CYB5A: variants seen among roughly 807,000 people sequenced by gnomAD.
CYB5A encodes cytochrome b5.
CYB5A carries 10 observed loss-of-function variants against 16.2 expected under a neutral mutation model. That is an observed-to-expected ratio of 0.62 (90% CI 0.38 to 1.04). The LOEUF is 1.04. CYB5A is among the 50% of genes least tolerant of loss of function. The probability of loss-of-function intolerance (pLI) is 0.01; values close to 1 mark genes in which losing one functional copy is unlikely to be tolerated. For synonymous variants in CYB5A, 62 were observed against 57.0 expected, an observed-to-expected ratio of 1.09 and a Z score of -0.40; for missense variants, 161 against 165.9, an observed-to-expected ratio of 0.97 and a Z score of 0.16.
At chr18:74,255,903 G>A in intron 3 of CYB5A, 128 bp from the exon 4 acceptor site, 2 of 722,372 alleles carry the variant, frequency 2.8e-6, no homozygotes, top group Non-Finnish European at 2.4e-6. Flanking sequence ...ATGTCGAAAG[G>A]GAAAATTATA....
intron 1 of CYB5A, among the ~76,000 whole-genome samples, chr18:74,272,302 C>T (rs995053565): frequency 6.6e-6 from 1 of 152,160 alleles, no homozygotes; most frequent in Non-Finnish European, 1.5e-5. Flanking sequence ...GGTCCTGCTC[C>T]AGCCAATGGA....
chr18:74,257,012 A>G (rs992335599), intron 3 of CYB5A: 1 of 610,884 alleles, frequency 1.6e-6, no homozygotes, highest in Non-Finnish European at 2.9e-6. Flanking sequence ...ATTAACAAAA[A>G]TTACTAGAAA....
intron 1 of CYB5A, among the ~76,000 whole-genome samples, chr18:74,267,722 G>A (rs538271114): frequency 6.6e-6 from 1 of 152,330 alleles, no homozygotes; most frequent in Admixed American, 6.5e-5. Flanking sequence ...TTACACATAG[G>A]TAAGATTAGA....
At chr18:74,283,311 T>C (rs6566792) in intron 1 of CYB5A, among the ~76,000 whole-genome samples, 5,912 of 152,170 alleles carry the variant, frequency 0.039, 415 homozygotes, top group African/African-American at 0.14. Context: ...AAACAACACA[T>C]GCCTCCTCAC....
At chr18:74,277,439 C>G (rs1360100640) in intron 1 of CYB5A, among the ~76,000 whole-genome samples, 2 of 152,220 alleles carry the variant, frequency 1.3e-5, no homozygotes, top group East Asian at 3.8e-4. Flanking sequence ...AAAGAGGCCC[C>G]TCTGGCAGTC....
intron 1 of CYB5A, among the ~76,000 whole-genome samples, chr18:74,282,545 G>A (rs1983157204): frequency 6.6e-6 from 1 of 152,214 alleles, no homozygotes; most frequent in Admixed American, 6.5e-5. Flanking sequence ...GCAGGCAGGA[G>A]CCCTCATCGC....
intron 4 of CYB5A, among the ~76,000 whole-genome samples, chr18:74,255,302 A>G (rs1027974313): frequency 2.0e-5 from 3 of 152,236 alleles, no homozygotes; most frequent in Non-Finnish European, 4.4e-5. Context: ...TGCTACACAT[A>G]GATTACCAGC....
At chr18:74,279,546 T>G (rs888661690) in intron 1 of CYB5A, among the ~76,000 whole-genome samples, 6 of 146,254 alleles carry the variant, frequency 4.1e-5, no homozygotes, top group Non-Finnish European at 7.6e-5. Flanking sequence ...AAATAAATAA[T>G]AAATAAAAAT....
chr18:74,274,160 G>A (rs1270814220), intron 1 of CYB5A, among the ~76,000 whole-genome samples: 1 of 152,216 alleles, frequency 6.6e-6, no homozygotes, highest in Non-Finnish European at 1.5e-5. Flanking sequence ...TAGCACAATA[G>A]TGCGAATATG....
chr18:74,290,180 T>C (rs1983479184), intron 1 of CYB5A, among the ~76,000 whole-genome samples: 1 of 152,146 alleles, frequency 6.6e-6, no homozygotes, highest in Admixed American at 6.5e-5. Context: ...CATGACTTTA[T>C]CTTCGGGCAC....
At chr18:74,286,171 A>G (rs1194604943) in intron 1 of CYB5A, among the ~76,000 whole-genome samples, 1 of 152,228 alleles carries the variant, frequency 6.6e-6, no homozygotes, top group Non-Finnish European at 1.5e-5. Flanking sequence ...CAAGCTGGCC[A>G]CCTTCGGGGA....
At chr18:74,272,601 T>G (rs763670417) in intron 1 of CYB5A, among the ~76,000 whole-genome samples, 37 of 152,308 alleles carry the variant, frequency 2.4e-4, no homozygotes, top group Non-Finnish European at 3.8e-4. Context: ...TTTCTCTTAT[T>G]TACACTAATT....
chr18:74,271,221 A>C (rs1982656044), intron 1 of CYB5A, among the ~76,000 whole-genome samples: 1 of 152,256 alleles, frequency 6.6e-6, no homozygotes, highest in South Asian at 2.1e-4. Flanking sequence ...AATGTGATCC[A>C]ATCTTGAAGA....
At chr18:74,288,273 A>G (rs1983393666) in intron 1 of CYB5A, among the ~76,000 whole-genome samples, 1 of 152,154 alleles carries the variant, frequency 6.6e-6, no homozygotes, top group South Asian at 2.1e-4. Flanking sequence ...ATCTCACCAC[A>G]CACCTTCTCA....
intron 4 of CYB5A, among the ~76,000 whole-genome samples, chr18:74,254,550 T>G (rs1981894911): frequency 1.3e-5 from 2 of 151,608 alleles, no homozygotes; most frequent in South Asian, 4.2e-4. Context: ...TACAGAGTCT[T>G]GCTCTGTTGC....
intron 1 of CYB5A, among the ~76,000 whole-genome samples, chr18:74,270,969 C>T (rs890314326): frequency 2.6e-5 from 4 of 152,200 alleles, no homozygotes; most frequent in African/African-American, 9.6e-5. Flanking sequence ...AAGCACAGAT[C>T]ATTCTTACAC....
rs943034746 is a variant in CYB5A at position 74,291,953 on chromosome 18, C to T, written c.-78G>A. On this transcript the variant is annotated 5_prime_UTR_variant, in exon 1 of 5. Transcript: ENST00000340533. ...GAGCGCGCGACTCAGCCAGCTCCAC[C>T]CGGGACATTCCCCGCGCCGGGAACC... 1.1e-5 allele frequency: 17 copies of T among 1,597,414 alleles called. No homozygotes were observed. Among genetic ancestry groups the T allele is most frequent in the Non-Finnish European group, 1.4e-5 (17 of 1,177,338 alleles).
intron 1 of CYB5A, among the ~76,000 whole-genome samples, chr18:74,267,173 T>C (rs921296426): frequency 4.6e-5 from 7 of 152,188 alleles, no homozygotes; most frequent in Non-Finnish European, 8.8e-5. Flanking sequence ...TTTTTTTTTT[T>C]TGAGACGGAG....
chr18:74,253,607 G>A lies in CYB5A; in HGVS notation c.382C>T (p.Arg128Cys), dbSNP rs570876473. 8 of 1,612,512 alleles carry A rather than the reference G, an allele frequency of 5.0e-6. No individual in the cohort carries two copies. Among genetic ancestry groups the A allele is most frequent in the African/African-American group, 4.0e-5 (3 of 75,008 alleles). ...GTTCAGTCCTCTGCCATGTATAGGCGATACATCAAGGCGACGGCCACTGCA... is the reference window on the plus strand; with the variant it reads ...GTTCAGTCCTCTGCCATGTATAGGCAATACATCAAGGCGACGGCCACTGCA... ...ISAVAVALMYRLYMAED is the reference protein window; with the variant it reads ...ISAVAVALMYCLYMAED Residue 128 changes from arginine (R) to cysteine (C), a missense_variant, in exon 5 of 5, where the codon CGC (arginine) becomes TGC (cysteine). Arg to Cys is a radical substitution (Grantham distance 180). Coordinates refer to ENST00000340533, the MANE Select transcript of CYB5A (RefSeq NM_148923.4).
Sources: allele counts gnomAD v4.1 joint callset (sites outside exome capture counted in the v4.1 genomes callset), GRCh38; gene constraint gnomAD v4.1.1; transcripts MANE v1.5; gene names NCBI Gene and HGNC (gene_info 2026-07-23, HGNC 2026-07-21).